Variants in SAMTOR observed in about 807,000 individuals in gnomAD.
SAMTOR encodes the protein S-adenosylmethionine sensor upstream of mTORC1, also known as UPF0532 protein C7orf60.
At chr7:112,850,045 A>G in the SAMTOR span, among the ~76,000 whole-genome samples, 1 of 152,084 alleles carries the variant, frequency 6.6e-6, no homozygotes, top group Admixed American at 6.5e-5. Flanking sequence ...CGTTTCTACT[A>G]AAAATACAAA....
chr7:112,826,485 T>C, the SAMTOR span, among the ~76,000 whole-genome samples: 2 of 152,174 alleles, frequency 1.3e-5, no homozygotes, highest in Non-Finnish European at 2.9e-5. Flanking sequence ...CTTTTAATGT[T>C]GGTAAAATCT....
the SAMTOR span, among the ~76,000 whole-genome samples, chr7:112,887,864 A>G: frequency 6.6e-6 from 1 of 152,118 alleles, no homozygotes; most frequent in South Asian, 2.1e-4. Flanking sequence ...CTACAGGTCT[A>G]TTAATTTTGT....
the SAMTOR span, among the ~76,000 whole-genome samples, chr7:112,912,538 A>G: frequency 1.2e-3 from 179 of 152,216 alleles, no homozygotes; most frequent in African/African-American, 4.2e-3. Flanking sequence ...TAGAATTATC[A>G]AAAAGAGAAA....
At chr7:112,830,406 A>C in the SAMTOR span, among the ~76,000 whole-genome samples, 1 of 152,116 alleles carries the variant, frequency 6.6e-6, no homozygotes, top group Non-Finnish European at 1.5e-5. Flanking sequence ...TCTACTACTT[A>C]AGTTATGTAT....
the SAMTOR span, chr7:112,895,675 C>T: frequency 3.8e-6 from 6 of 1,585,798 alleles, no homozygotes; most frequent in South Asian, 2.3e-5. Flanking sequence ...GCAAGTACAG[C>T]TCTTTTTTCA....
chr7:112,850,735 C>T, the SAMTOR span, among the ~76,000 whole-genome samples: 2 of 152,280 alleles, frequency 1.3e-5, no homozygotes, highest in South Asian at 2.1e-4. Context: ...TTTTGTATTT[C>T]TGCAGTATCA....
At chr7:112,921,556 AAC>A in the SAMTOR span, among the ~76,000 whole-genome samples, 2 of 148,474 alleles carry the variant, frequency 1.3e-5, no homozygotes, top group African/African-American at 5.0e-5. Flanking sequence ...TCATGTCTAA[AAC>A]ACCAAAAGCA....
At chr7:112,908,637 A>G in the SAMTOR span, among the ~76,000 whole-genome samples, 1 of 152,214 alleles carries the variant, frequency 6.6e-6, no homozygotes, top group Non-Finnish European at 1.5e-5. Flanking sequence ...TATACAACAC[A>G]CTACCACCTA....
At chr7:112,865,891 TC>T in the SAMTOR span, among the ~76,000 whole-genome samples, 77 of 149,616 alleles carry the variant, frequency 5.1e-4, no homozygotes, top group African/African-American at 1.9e-3. Flanking sequence ...AGCCCAGGAG[TC>T]CACTATGATG....
chr7:112,855,472 T>G, the SAMTOR span, among the ~76,000 whole-genome samples: 1,617 of 152,210 alleles, frequency 0.011, 29 homozygotes, highest in African/African-American at 0.037. Context: ...GACTATGTGG[T>G]ATAGAATCTA....
At chr7:112,895,957 TA>T in the SAMTOR span, among the ~76,000 whole-genome samples, 1 of 152,290 alleles carries the variant, frequency 6.6e-6, no homozygotes, top group East Asian at 1.9e-4. Flanking sequence ...GTTTAGTAAA[TA>T]AAAAATATGT....
chr7:112,922,684 C>T, the SAMTOR span, among the ~76,000 whole-genome samples: 92 of 150,578 alleles, frequency 6.1e-4, no homozygotes, highest in African/African-American at 1.7e-3. Context: ...TCTGCCCGGC[C>T]GCCCCGTCTG....
the SAMTOR span, among the ~76,000 whole-genome samples, chr7:112,912,761 T>C: frequency 1.3e-4 from 20 of 152,212 alleles, no homozygotes; most frequent in African/African-American, 4.1e-4. Flanking sequence ...TAATGATTTT[T>C]CATCAGTTTA....
chr7:112,919,047 A>G, the SAMTOR span, among the ~76,000 whole-genome samples: 8 of 152,356 alleles, frequency 5.3e-5, no homozygotes, highest in South Asian at 1.7e-3. Context: ...AACGAGACAG[A>G]AAGTTAACAA....
chr7:112,920,366 A>G, the SAMTOR span, among the ~76,000 whole-genome samples: 20 of 151,946 alleles, frequency 1.3e-4, no homozygotes, highest in Non-Finnish European at 1.9e-4. Context: ...TTATCTCAAT[A>G]GATGCAGAAA....
the SAMTOR span, chr7:112,939,726 T>C: frequency 1.9e-6 from 3 of 1,605,284 alleles, no homozygotes; most frequent in Non-Finnish European, 2.5e-6. Flanking sequence ...CGAGCAGTAT[T>C]TCGGCCGCCG....
At chr7:112,851,643 A>C in the SAMTOR span, among the ~76,000 whole-genome samples, 1 of 152,166 alleles carries the variant, frequency 6.6e-6, no homozygotes, top group Non-Finnish European at 1.5e-5. Flanking sequence ...AAGCACGAGA[A>C]CAAAAACAAA....
the SAMTOR span, among the ~76,000 whole-genome samples, chr7:112,931,301 T>C: frequency 3.3e-5 from 5 of 151,426 alleles, no homozygotes; most frequent in Non-Finnish European, 7.4e-5. Flanking sequence ...TCCAATTTAA[T>C]TAACAAAAAA....
chr7:112,925,847 T>G, the SAMTOR span, among the ~76,000 whole-genome samples: 1 of 150,342 alleles, frequency 6.7e-6, no homozygotes, highest in East Asian at 1.9e-4. Context: ...GTCCATGTAG[T>G]TTAATTGGGT....
Sources: allele counts gnomAD v4.1 joint callset (sites outside exome capture counted in the v4.1 genomes callset), GRCh38; gene constraint gnomAD v4.1.1; transcripts MANE v1.5; gene names NCBI Gene and HGNC (gene_info 2026-07-23, HGNC 2026-07-21).